The following MYO15B variants were observed in gnomAD, a reference collection of about 807,000 sequenced individuals.
The protein encoded by MYO15B is myosin XVB pseudogene.
Under a neutral mutation model 119.3 loss-of-function variants are expected in MYO15B, and 207 were observed. The ratio of observed to expected loss-of-function variants is 1.73; its 90% CI spans 1.55 to 1.95. The LOEUF (loss-of-function observed/expected upper bound fraction) is 1.95. MYO15B is among the 30% of genes most tolerant of loss of function. The pLI, the probability that MYO15B is intolerant of heterozygous loss-of-function variation, is 0.00. For missense variants in MYO15B, 2,264 were observed against 1,203.1 expected (o/e 1.88, Z -13.04); for synonymous variants, 966 against 498.9 (o/e 1.94, Z -12.48).
chr17:75,616,106 C>T, exon 37 of MYO15B: 1 of 568,798 alleles, frequency 1.8e-6, no homozygotes, highest in Admixed American at 3.5e-5. Flanking sequence ...CCCTATCAGC[C>T]CAAGAGCTTC....
intron 43 of MYO15B, among the ~76,000 whole-genome samples, chr17:75,618,714 C>T (rs1093994): frequency 0.28 from 42,274 of 152,132 alleles, 6,107 homozygotes; most frequent in Middle Eastern, 0.34. Context: ...AAGCAAAGTG[C>T]GTACAGTGCA....
chr17:75,617,956 T>C (rs937065189), intron 42 of MYO15B, 34 bp downstream of exon 42: 13 of 699,292 alleles, frequency 1.9e-5, no homozygotes, highest in African/African-American at 1.7e-4. Flanking sequence ...GCCTGGCCTC[T>C]TTGGGCTGGC....
exon 1 of MYO15B, chr17:75,588,922 C>G (rs1472732607): frequency 2.5e-6 from 1 of 398,304 alleles, no homozygotes; most frequent in African/African-American, 2.1e-5. Flanking sequence ...GGGCGCCGAG[C>G]CAGAAACAAT....
chr17:75,589,094 G>C lies in MYO15B; in HGVS notation c.1037G>C (p.Arg346Thr), dbSNP rs1483129695. ...CTGGTGGTCCGCAGGCTCCTCGCGA[G>C]GCCCCCGCCAGGCGCCGCTTCCCAG... Residue 346 changes from arginine to threonine, a missense_variant, in exon 1 of 64, where the codon AGG becomes ACG. Coordinates refer to ENST00000645453, the Ensembl canonical transcript of MYO15B. This position sits in a 1 kb window ranked among gnomAD's most constrained non-coding sequence, Gnocchi z 4.2. 5.1e-6 allele frequency: 2 copies of C among 393,614 alleles called. No individual in the cohort carries two copies. Among genetic ancestry groups the C allele is most frequent in the Non-Finnish European group, 9.0e-6 (2 of 222,860 alleles). The allele number at this position is 393,614 out of a possible 1,614,324, so 24.4% of individuals were successfully genotyped here.
At chr17:75,619,499 G>A (rs930076068) in intron 45 of MYO15B, 23 bp downstream of exon 45, 4 of 699,224 alleles carry the variant, frequency 5.7e-6, no homozygotes, top group Middle Eastern at 2.6e-4. Flanking sequence ...GGGGTAGGGA[G>A]TAGGGATGCC....
At position 75,603,096 on chromosome 17, in the gene MYO15B, G is replaced by A. The variant is rs1171308945; in HGVS notation, c.3891+19G>A. The A allele has an allele frequency of 2.8e-6, 2 of 703,246 alleles. No homozygotes were observed. Among genetic ancestry groups the A allele is most frequent in the Non-Finnish European group, 5.2e-6 (2 of 385,044 alleles). 43.6% of individuals were successfully genotyped at this position (703,246 alleles called of 1,614,324 possible). A position where few individuals can be genotyped will look rare whatever the true frequency, so the allele number is the denominator to read the frequency against. On this transcript the variant is annotated intron_variant, in intron 18 of 63. Coordinates refer to ENST00000645453, the Ensembl canonical transcript of MYO15B. ...TGGAAAGGTGAGCTCCCCAGCAACT[G>A]GCCTCAGGGCCCTCCCCCTCCCTGC...
At chr17:75,620,282 A>G (rs1247757324) in exon 48 of MYO15B, 1 of 702,862 alleles carries the variant, frequency 1.4e-6, no homozygotes, top group Admixed American at 2.0e-5. Flanking sequence ...CAGCTACATC[A>G]CTGACAACTG....
chr17:75,625,163 C>T (rs1183935566), exon 60 of MYO15B: 13 of 702,176 alleles, frequency 1.9e-5, no homozygotes, highest in African/African-American at 5.2e-5. Context: ...CCAGTCAGCG[C>T]CAAGGCAGAC....
intron 14 of MYO15B, among the ~76,000 whole-genome samples, chr17:75,597,435 G>T (rs114661305): frequency 6.6e-6 from 1 of 152,312 alleles, no homozygotes; most frequent in Non-Finnish European, 1.5e-5. Context: ...ACTCCTTACC[G>T]CGCCAGACTG....
At chr17:75,614,403 G>T (rs1394923319) in intron 30 of MYO15B, 43 bp downstream of exon 30, 1 of 692,482 alleles carries the variant, frequency 1.4e-6, no homozygotes, top group African/African-American at 1.8e-5. Context: ...TGCTCCTGCC[G>T]GGGAACCCCA....
At chr17:75,626,383 T>C in intron 63 of MYO15B, 24 bp from the exon 64 acceptor site, 2 of 703,022 alleles carry the variant, frequency 2.8e-6, no homozygotes, top group South Asian at 3.0e-5. Context: ...GGAGCCCTCT[T>C]GTAACAGGCC....
Position 75,618,111 on chromosome 17 carries a change from T to G in MYO15B, c.6928-15T>G. 1.4e-6 allele frequency: 1 copy of G among 703,192 alleles called. No homozygotes were observed. The highest frequency in any genetic ancestry group is 2.6e-6 in the Non-Finnish European group (1 of 385,052). The allele number at this position is 703,192 out of a possible 1,614,324, so 43.6% of individuals were successfully genotyped here. A position where few individuals can be genotyped will look rare whatever the true frequency, so the allele number is the denominator to read the frequency against. On this transcript the variant is annotated splice_polypyrimidine_tract_variant and intron_variant, in intron 42 of 63. Coordinates refer to ENST00000645453, the Ensembl canonical transcript of MYO15B. ...CCAGACCCACCGATCTTTGCCCTTCTGTGCCCTCCTCCAGGTGTTCTACCC... is the reference window on the plus strand; with the variant it reads ...CCAGACCCACCGATCTTTGCCCTTCGGTGCCCTCCTCCAGGTGTTCTACCC...
At chr17:75,612,180 A>C (rs2058070489) in intron 25 of MYO15B, among the ~76,000 whole-genome samples, 164 bp downstream of exon 25, 1 of 152,166 alleles carries the variant, frequency 6.6e-6, no homozygotes, top group Non-Finnish European at 1.5e-5. Context: ...TAACCGTTGA[A>C]TGTAATTGTC....
At chr17:75,619,275 C>T in intron 44 of MYO15B, 57 bp downstream of exon 44, 1 of 702,626 alleles carries the variant, frequency 1.4e-6, no homozygotes, top group Non-Finnish European at 2.6e-6. Flanking sequence ...CGCGCCTGCC[C>T]TGAAGGAGGG....
At chr17:75,622,667 C>T (rs1419589170) in intron 53 of MYO15B, among the ~76,000 whole-genome samples, 1 of 152,144 alleles carries the variant, frequency 6.6e-6, no homozygotes, top group Admixed American at 6.5e-5. Context: ...AGTTTAAAAG[C>T]AAAAGGAAGT....
chr17:75,624,906 A>T, exon 59 of MYO15B: 1 of 702,724 alleles, frequency 1.4e-6, no homozygotes. Flanking sequence ...ATCAGCACCC[A>T]CTACAGCCAG....
Position 75,625,245 on chromosome 17 carries a change from GGA to G in MYO15B, c.8804+9_8804+10del. On this transcript the variant is annotated splice_region_variant and intron_variant, in intron 60 of 63. Transcript: ENST00000645453. The stretch of plus-strand genomic sequence containing the variant: ...ACAGGAATACCCCCTCAGGGTGAGT[GGA>G]GGCACCTCCCGCCCCTAAGCCCCTC... 1.4e-6 allele frequency: 1 copy of G among 695,856 alleles called. No homozygotes were observed. The highest frequency in any genetic ancestry group is 2.6e-6 in the Non-Finnish European group (1 of 380,636). The allele number at this position is 695,856 out of a possible 1,614,324, so 43.1% of individuals were successfully genotyped here. A position where few individuals can be genotyped will look rare whatever the true frequency, so the allele number is the denominator to read the frequency against.
intron 60 of MYO15B, 55 bp downstream of exon 60, chr17:75,625,293 C>T (rs979142035): frequency 6.1e-6 from 4 of 659,460 alleles, no homozygotes; most frequent in African/African-American, 5.3e-5. Flanking sequence ...AGGTCAAGGC[C>T]ATTTGACTGG....
chr17:75,591,869 T>A, intron 5 of MYO15B, 108 bp from the exon 6 acceptor site: 1 of 667,420 alleles, frequency 1.5e-6, no homozygotes, highest in Non-Finnish European at 2.7e-6. Context: ...CTGCAGGCAC[T>A]GCCCTTTCTG....
Sources: allele counts gnomAD v4.1 joint callset (sites outside exome capture counted in the v4.1 genomes callset), GRCh38; gene constraint gnomAD v4.1.1; non-coding constraint Gnocchi (gnomAD v3.1); transcripts MANE v1.5; gene names NCBI Gene and HGNC (gene_info 2026-07-23, HGNC 2026-07-21).